Variants in NAV3 observed in about 807,000 individuals in gnomAD.
NAV3 encodes pore membrane and/or filament interacting like protein 1.
NAV3 carries 87 observed loss-of-function variants against 244.7 expected under a neutral mutation model. That is an observed-to-expected ratio of 0.36 (90% confidence interval 0.30 to 0.42). NAV3 has a LOEUF of 0.42. Among genes scored for constraint, NAV3 ranks in the 20% least tolerant of loss-of-function variants. The probability of loss-of-function intolerance (pLI) is 1.00; values close to 1 mark genes in which losing one functional copy is unlikely to be tolerated. For missense variants in NAV3, 2,663 were observed against 2,893.3 expected (o/e 0.92, Z 1.83); for synonymous variants, 1,126 against 1,042.2 (o/e 1.08, Z -1.55).
chr12:78,068,630 T>A (rs1952600605), intron 12 of NAV3, among the ~76,000 whole-genome samples: 1 of 147,462 alleles, frequency 6.8e-6, no homozygotes. Flanking sequence ...TAATTATATA[T>A]AATTACATAT....
intron 2 of NAV3, among the ~76,000 whole-genome samples, chr12:77,603,165 C>G (rs1870516681): frequency 6.6e-6 from 1 of 152,008 alleles, no homozygotes; most frequent in Admixed American, 6.6e-5. Flanking sequence ...AGAATTGACT[C>G]AGAGGTGTGC....
chr12:78,016,931 G>A (rs1425701740), intron 8 of NAV3, among the ~76,000 whole-genome samples: 1 of 152,142 alleles, frequency 6.6e-6, no homozygotes, highest in African/African-American at 2.4e-5. Flanking sequence ...TGACTGAGCT[G>A]TCTGTTAGCT....
intron 1 of NAV3, among the ~76,000 whole-genome samples, chr12:77,923,052 C>G (rs1031442264): frequency 6.6e-6 from 1 of 151,830 alleles, no homozygotes; most frequent in Non-Finnish European, 1.5e-5. Flanking sequence ...GGCTACTTAA[C>G]ATTTTGAAGA....
At chr12:77,841,188 A>G (rs992893952) in intron 1 of NAV3, among the ~76,000 whole-genome samples, 5 of 152,208 alleles carry the variant, frequency 3.3e-5, no homozygotes, top group Admixed American at 1.3e-4. Context: ...TTCTGCCTGG[A>G]AAAAAAGTCA....
At chr12:77,990,377 T>C (rs1593212809) in intron 5 of NAV3, among the ~76,000 whole-genome samples, 3 of 152,312 alleles carry the variant, frequency 2.0e-5, no homozygotes, top group South Asian at 4.1e-4. Flanking sequence ...GAATTAGCAA[T>C]GAGTAAGAAA....
chr12:77,930,377 G>T (rs942407800), intron 1 of NAV3, among the ~76,000 whole-genome samples: 1 of 151,460 alleles, frequency 6.6e-6, no homozygotes, highest in African/African-American at 2.4e-5. Flanking sequence ...TTTTTCTATA[G>T]AGCTAATAAT....
chr12:78,021,725 C>A (rs2136812965), intron 8 of NAV3, 22 bp from the exon 9 acceptor site: 1 of 1,543,430 alleles, frequency 6.5e-7, no homozygotes, highest in Non-Finnish European at 8.9e-7. Context: ...CTATTTCTTT[C>A]TATTTTCATG....
At chr12:77,637,320 T>G (rs1872202962) in intron 2 of NAV3, among the ~76,000 whole-genome samples, 1 of 152,060 alleles carries the variant, frequency 6.6e-6, no homozygotes, top group African/African-American at 2.4e-5. Flanking sequence ...TACTTGCAAT[T>G]TTAAAGATTA....
chr12:77,602,368 T>C (rs1350345090), intron 2 of NAV3, among the ~76,000 whole-genome samples: 1 of 151,966 alleles, frequency 6.6e-6, no homozygotes, highest in African/African-American at 2.4e-5. Flanking sequence ...TTTAGAGACA[T>C]GGTGATATAA....
chr12:78,070,113 T>G (rs1269364218), intron 12 of NAV3, among the ~76,000 whole-genome samples: 1 of 152,110 alleles, frequency 6.6e-6, no homozygotes, highest in African/African-American at 2.4e-5. Context: ...TACTCTAACG[T>G]CAGACACGTT....
At chr12:77,892,357 T>C (rs1261558998) in intron 1 of NAV3, among the ~76,000 whole-genome samples, 1 of 152,132 alleles carries the variant, frequency 6.6e-6, no homozygotes, top group Non-Finnish European at 1.5e-5. Context: ...GTGCATTAGG[T>C]GATCACCAAG....
intron 30 of NAV3, among the ~76,000 whole-genome samples, chr12:78,181,517 A>T (rs1019824184): frequency 2.6e-5 from 4 of 152,046 alleles, no homozygotes; most frequent in African/African-American, 9.7e-5. Flanking sequence ...AATTTCCAAC[A>T]AAGATAAAGA....
chr12:77,851,958 A>G lies in NAV3; in HGVS notation c.243+20254A>G, dbSNP rs144170647. Among the ~76,000 whole-genome samples the G allele has an allele frequency of 5.0e-3, 769 of 152,342 alleles. 7 individuals are homozygous for G. The highest frequency in any genetic ancestry group is 0.02 in the Middle Eastern group (6 of 294). On this transcript the variant is annotated intron_variant, in intron 1 of 39. Coordinates refer to ENST00000397909, the MANE Select transcript of NAV3 (RefSeq NM_001024383.2). ...TCTTCACTTTTTAGATAAGGAGACTAAAGTATAACTAGAGCTAAGAAACAT... is the reference window on the plus strand; with the variant it reads ...TCTTCACTTTTTAGATAAGGAGACTGAAGTATAACTAGAGCTAAGAAACAT...
At chr12:78,126,293 G>A (rs1955902938) in intron 16 of NAV3, among the ~76,000 whole-genome samples, 1 of 152,100 alleles carries the variant, frequency 6.6e-6, no homozygotes, top group African/African-American at 2.4e-5. Flanking sequence ...TCCCCATTAT[G>A]CGTATCCTGT....
At chr12:77,884,993 G>A (rs1883107296) in intron 1 of NAV3, among the ~76,000 whole-genome samples, 1 of 152,046 alleles carries the variant, frequency 6.6e-6, no homozygotes, top group Admixed American at 6.6e-5. Flanking sequence ...GTCAATGATG[G>A]ATGGAGCATT....
At chr12:78,034,976 T>A (rs1264577511) in intron 9 of NAV3, among the ~76,000 whole-genome samples, 1 of 152,174 alleles carries the variant, frequency 6.6e-6, no homozygotes, top group Non-Finnish European at 1.5e-5. Context: ...ATTCACAGAT[T>A]TCTTTATTGC....
chr12:78,140,228 AT>A (rs1368431824), intron 19 of NAV3, 53 bp from the exon 20 acceptor site: 1 of 1,497,580 alleles, frequency 6.7e-7, no homozygotes, highest in Non-Finnish European at 9.3e-7. Flanking sequence ...AAAGGCTGGA[AT>A]TTTTGAGTAG....
At chr12:77,975,151 T>A (rs964235779) in intron 5 of NAV3, among the ~76,000 whole-genome samples, 3 of 152,216 alleles carry the variant, frequency 2.0e-5, no homozygotes, top group Non-Finnish European at 4.4e-5. Flanking sequence ...TAGATTTTTT[T>A]AATTAGTTAC....
At chr12:78,179,771 C>T (rs1958421397) in intron 29 of NAV3, 89 bp downstream of exon 29, 2 of 1,391,294 alleles carry the variant, frequency 1.4e-6, no homozygotes, top group Admixed American at 2.3e-5. Flanking sequence ...GAATAAATTC[C>T]ACTTGGAAAC....
Sources: gnomAD v4.1 joint callset for allele counts (sites outside exome capture counted in the v4.1 genomes callset) on GRCh38, gnomAD v4.1.1 for gene constraint, MANE v1.5 for transcripts, NCBI Gene and HGNC (gene_info 2026-07-23, HGNC 2026-07-21) for gene names.